Variants in ARID1B observed in about 807,000 individuals in gnomAD.
ARID1B encodes AT-rich interaction domain 1B, also known as AT-rich interactive domain-containing protein 1B.
Under a neutral mutation model 212.3 loss-of-function variants are expected in ARID1B, and 30 were observed. The ratio of observed to expected loss-of-function variants is 0.14; its 90% CI spans 0.11 to 0.19. The LOEUF (loss-of-function observed/expected upper bound fraction) is 0.19. Among genes scored for constraint, ARID1B ranks in the 10% least tolerant of loss-of-function variants. The probability of loss-of-function intolerance (pLI) is 1.00; values close to 1 mark genes in which losing one functional copy is unlikely to be tolerated. For synonymous variants in ARID1B, 1,402 were observed against 1,301.7 expected, an observed-to-expected ratio of 1.08 and a Z score of -1.66; for missense variants, 2,891 against 3,204.0, an observed-to-expected ratio of 0.90 and a Z score of 2.36.
chr6:157,127,783 C>CAAAAAAA (rs61172896), intron 6 of ARID1B, among the ~76,000 whole-genome samples: 4 of 56,782 alleles, frequency 7.0e-5, no homozygotes, highest in African/African-American at 1.3e-4. Flanking sequence ...GACTCTGTCT[C>CAAAAAAA]AAAAAAAAAA....
At chr6:156,929,875 C>G (rs1000297805) in intron 3 of ARID1B, among the ~76,000 whole-genome samples, 1 of 152,004 alleles carries the variant, frequency 6.6e-6, no homozygotes, top group Non-Finnish European at 1.5e-5. Flanking sequence ...CTCCATTCCT[C>G]CATCATCTGT....
chr6:157,008,752 C>T lies in ARID1B; in HGVS notation c.2247+73176C>T, dbSNP rs1169968848. The stretch of plus-strand genomic sequence containing the variant: ...AAGAGACCTCTGGGTACGGGATCGG[C>T]GGGGGAGGGGGGCGGCGCTCAGATG... On this transcript the variant is annotated intron_variant, in intron 4 of 19. Coordinates refer to ENST00000636930, the MANE Select transcript of ARID1B (RefSeq NM_001374828.1). Among the ~76,000 whole-genome samples, 10 of 151,822 alleles carry T rather than the reference C, an allele frequency of 6.6e-5. No individual in the cohort carries two copies. The East Asian group carries it at 1.2e-3, about 18-fold the overall frequency.
chr6:157,167,332 T>A, intron 9 of ARID1B, 147 bp downstream of exon 9: 2 of 902,610 alleles, frequency 2.2e-6, no homozygotes, highest in South Asian at 4.0e-5. Flanking sequence ...TCTCAGAAAC[T>A]TGCTCCATCT....
At chr6:156,818,727 T>C (rs1307781565) in intron 1 of ARID1B, among the ~76,000 whole-genome samples, 1 of 152,216 alleles carries the variant, frequency 6.6e-6, no homozygotes, top group Non-Finnish European at 1.5e-5. Context: ...AAATTACTTT[T>C]TGCTTGTGCA....
Position 156,975,618 on chromosome 6 carries a change from T to TC in ARID1B, c.2247+40042_2247+40043insC, listed in dbSNP as rs1419288569. ...TTTGACTGTATTTTTTTTTTCTTTTTTTTTTTTTTTTTCAGTTCCTTAAAG... is the reference window on the plus strand; with the variant it reads ...TTTGACTGTATTTTTTTTTTCTTTTTCTTTTTTTTTTTTCAGTTCCTTAAAG... On this transcript the variant is annotated intron_variant, in intron 4 of 19. Coordinates refer to ENST00000636930, the MANE Select transcript of ARID1B (RefSeq NM_001374828.1). 7.7e-4 allele frequency among the ~76,000 whole-genome samples: 116 copies of TC among 150,024 alleles called. 1 individual carries two copies. The highest frequency in any genetic ancestry group is 6.8e-4 in the Non-Finnish European group (46 of 67,648).
In ARID1B at chr6:157,161,465, G is replaced by A. The variant is rs980346424; in HGVS notation, c.3090-5575G>A. On this transcript the variant is annotated intron_variant, in intron 8 of 19. Transcript: ENST00000636930. ...TATATATATATATATTTTGGCGGGG[G>A]GGCACATAGTAGTTTTCCCTCTTAA... 1.7e-4 allele frequency among the ~76,000 whole-genome samples: 24 copies of A among 145,372 alleles called. 1 individual carries two copies. Among genetic ancestry groups the A allele is most frequent in the African/African-American group, 6.0e-4 (23 of 38,372 alleles).
rs186870242 is a variant in ARID1B at position 157,085,663 on chromosome 6, C to T, written c.2491+758C>T. Reference sequence around the variant, plus strand: ...CATTCTATCCTTCCAAAATCATGGGCGTTAGTTTTGGTGCTTTTTAACGTT... The same window carrying T: ...CATTCTATCCTTCCAAAATCATGGGTGTTAGTTTTGGTGCTTTTTAACGTT... On this transcript the variant is annotated intron_variant, in intron 5 of 19. Coordinates refer to ENST00000636930, the MANE Select transcript of ARID1B (RefSeq NM_001374828.1). Among the ~76,000 whole-genome samples the T allele has an allele frequency of 2.0e-3, 300 of 151,658 alleles. 1 individual carries two copies. Among genetic ancestry groups the T allele is most frequent in the Non-Finnish European group, 1.3e-3 (85 of 67,966 alleles).
At position 157,132,978 on chromosome 6, in the gene ARID1B, G is replaced by A. The variant is rs41284240; in HGVS notation, c.2582-50G>A. Reference sequence around the variant, plus strand: ...GTCCATGTCCATTTTTATGTATGCAGAGATTATGAAACACCTGCATTTATA... The same window carrying A: ...GTCCATGTCCATTTTTATGTATGCAAAGATTATGAAACACCTGCATTTATA... On this transcript the variant is annotated intron_variant, in intron 6 of 19. Transcript: ENST00000636930. 9.3e-4 allele frequency: 1,438 copies of A among 1,551,938 alleles called. 2 individuals are homozygous for A. The highest frequency in any genetic ancestry group is 1.1e-3 in the Non-Finnish European group (1,310 of 1,147,560).
At chr6:157,196,106 G>A (rs1394612033) in intron 15 of ARID1B, 59 bp from the exon 16 acceptor site, 1 of 1,585,642 alleles carries the variant, frequency 6.3e-7, no homozygotes, top group Non-Finnish European at 8.6e-7. Flanking sequence ...AGAAGGGATG[G>A]ATGGGCCTTT....
intron 4 of ARID1B, chr6:157,036,516 A>C: frequency 3.7e-6 from 1 of 269,694 alleles, no homozygotes. Flanking sequence ...ACATGTTGTG[A>C]TTTAGGTGAG....
chr6:156,904,655 G>A (rs1375828947), intron 3 of ARID1B, among the ~76,000 whole-genome samples: 1 of 152,164 alleles, frequency 6.6e-6, no homozygotes, highest in Non-Finnish European at 1.5e-5. Flanking sequence ...TGCCAATCTG[G>A]TACAGATTGA....
intron 7 of ARID1B, 41 bp downstream of exon 7, chr6:157,133,248 T>C (rs1173719724): frequency 2.0e-6 from 3 of 1,536,190 alleles, no homozygotes; most frequent in East Asian, 2.3e-5. Context: ...CAGCAAGTTG[T>C]AGAAATTTTC....
chr6:157,158,705 G>T (rs111720736), intron 8 of ARID1B, among the ~76,000 whole-genome samples: 1 of 152,324 alleles, frequency 6.6e-6, no homozygotes, highest in African/African-American at 2.4e-5. Flanking sequence ...GGGATTAGCA[G>T]TTCACTCCCC....
Position 157,161,328 on chromosome 6 carries a change from A to G in ARID1B, c.3090-5712A>G, listed in dbSNP as rs551359644. On this transcript the variant is annotated intron_variant, in intron 8 of 19. Coordinates refer to ENST00000636930, the MANE Select transcript of ARID1B (RefSeq NM_001374828.1). ...GTTGAAATTACATTATTTTGCCACC[A>G]GAATTGCTAATGCAGCTGTTGTTGC... Among the ~76,000 whole-genome samples, 9 of 152,156 alleles carry G rather than the reference A, an allele frequency of 5.9e-5. No individual in the cohort carries two copies. The South Asian group carries it at 1.7e-3, about 28-fold the overall frequency.
chr6:157,060,409 C>T (rs910003062), intron 4 of ARID1B, among the ~76,000 whole-genome samples: 5 of 152,128 alleles, frequency 3.3e-5, no homozygotes, highest in South Asian at 2.1e-4. Context: ...TATGCAAACA[C>T]GAACATTACA....
intron 3 of ARID1B, among the ~76,000 whole-genome samples, chr6:156,932,218 C>T (rs529632552): frequency 6.7e-6 from 1 of 150,210 alleles, no homozygotes; most frequent in South Asian, 2.1e-4. Flanking sequence ...CTACGCTAAA[C>T]TTTTTTCACA....
Position 157,190,044 on chromosome 6 carries a change from T to A in ARID1B, c.4065T>A (p.Ser1355Arg). Residue 1355 changes from serine to arginine, a missense_variant, in exon 15 of 20, where the codon AGT (serine) becomes AGA (arginine). Transcript: ENST00000636930. The surrounding 1 kb of genome is among the most constrained non-coding windows in gnomAD (Gnocchi z 4.6). ...QMTPMQGGRS[S>R]TISVHDPFSD... Reference sequence around the variant, plus strand: ...ATTCTTTGCCTCTCTTCAGAAGCAGTACAATCAGTGTGCACGACCCATTCT... The same window carrying A: ...ATTCTTTGCCTCTCTTCAGAAGCAGAACAATCAGTGTGCACGACCCATTCT... 6.2e-7 allele frequency: 1 copy of A among 1,614,010 alleles called. No homozygotes were observed. Among genetic ancestry groups the A allele is most frequent in the South Asian group, 1.1e-5 (1 of 91,034 alleles).
chr6:157,099,486 G>A (rs1033795580), intron 5 of ARID1B, among the ~76,000 whole-genome samples: 2 of 151,110 alleles, frequency 1.3e-5, no homozygotes, highest in Non-Finnish European at 3.0e-5. Flanking sequence ...CTGTCACAGA[G>A]TTATGAGGAG....
At chr6:157,198,959 G>A in intron 17 of ARID1B, 52 bp downstream of exon 17, 1 of 1,400,460 alleles carries the variant, frequency 7.1e-7, no homozygotes, top group Non-Finnish European at 9.7e-7. Context: ...CTGTCCTGGA[G>A]GCTAAAACTC....
Sources: allele counts gnomAD v4.1 joint callset (sites outside exome capture counted in the v4.1 genomes callset), GRCh38; gene constraint gnomAD v4.1.1; non-coding constraint Gnocchi (gnomAD v3.1); transcripts MANE v1.5; gene names NCBI Gene and HGNC (gene_info 2026-07-23, HGNC 2026-07-21).